DYTN: variants seen among roughly 807,000 people sequenced by gnomAD.
DYTN encodes dystrotelin.
In DYTN, 75 loss-of-function variants were observed where a neutral mutation model predicts 69.6. The observed-to-expected ratio is 1.08, with a 90% CI of 0.89 to 1.31. The LOEUF is 1.31. Among genes scored for constraint, DYTN ranks in the 50% most tolerant of loss-of-function variants. DYTN has a pLI of 0.00. For missense variants in DYTN, 726 were observed against 688.4 expected (o/e 1.05, Z -0.61); for synonymous variants, 252 against 249.1 (o/e 1.01, Z -0.11).
chr2:206,698,326 ACCGGATCT>A (rs1166958591), intron 7 of DYTN, among the ~76,000 whole-genome samples: 2 of 152,164 alleles, frequency 1.3e-5, no homozygotes, highest in Non-Finnish European at 2.9e-5. Context: ...CAAAATTAAA[ACCGGATCT>A]CCAGTTTTTC....
At position 206,716,788 on chromosome 2, in the gene DYTN, A is replaced by G. The variant is rs1700134450; in HGVS notation, c.19+1473T>C. Among the ~76,000 whole-genome samples the G allele has an allele frequency of 9.2e-5, 14 of 152,232 alleles. No homozygotes were observed. The South Asian group carries it at 2.9e-3, about 32-fold the overall frequency. On this transcript the variant is annotated intron_variant, in intron 1 of 11. Transcript: ENST00000452335. The stretch of plus-strand genomic sequence containing the variant: ...TCTCAGATGCACCAAGCAGATACAC[A>G]GAATCAGCAGACAAGGGGCTCTGCA...
intron 2 of DYTN, among the ~76,000 whole-genome samples, chr2:206,708,519 T>A (rs1261738634): frequency 1.3e-5 from 2 of 152,254 alleles, no homozygotes; most frequent in Non-Finnish European, 2.9e-5. Context: ...AGTTTCAGAA[T>A]GTGACTTAAA....
intron 9 of DYTN, among the ~76,000 whole-genome samples, chr2:206,685,679 C>T (rs531904262): frequency 1.3e-5 from 2 of 152,250 alleles, no homozygotes; most frequent in African/African-American, 4.8e-5. Flanking sequence ...ATTTTCCTGG[C>T]ACCACCCTGG....
chr2:206,667,904 G>A (rs1298307632), intron 9 of DYTN, among the ~76,000 whole-genome samples: 3 of 152,150 alleles, frequency 2.0e-5, no homozygotes, highest in South Asian at 2.1e-4. Context: ...TAGAACCTGC[G>A]AAATTCCTAA....
intron 9 of DYTN, among the ~76,000 whole-genome samples, chr2:206,681,405 A>C (rs1699748582): frequency 6.6e-6 from 1 of 152,094 alleles, no homozygotes; most frequent in South Asian, 2.1e-4. Flanking sequence ...AACTTCTAAT[A>C]CTATGTTGAA....
At chr2:206,681,451 C>T (rs1291485476) in intron 9 of DYTN, among the ~76,000 whole-genome samples, 1 of 152,072 alleles carries the variant, frequency 6.6e-6, no homozygotes, top group Non-Finnish European at 1.5e-5. Flanking sequence ...TGTCTTGTGC[C>T]AGTTTTCAAA....
At chr2:206,704,488 G>C (rs965432345) in intron 5 of DYTN, among the ~76,000 whole-genome samples, 2 of 152,220 alleles carry the variant, frequency 1.3e-5, no homozygotes, top group Admixed American at 6.5e-5. Flanking sequence ...TATGTTTTCA[G>C]TGGTGATTAT....
chr2:206,664,759 T>C (rs1158563096), intron 10 of DYTN, among the ~76,000 whole-genome samples: 2 of 152,230 alleles, frequency 1.3e-5, no homozygotes, highest in Admixed American at 6.5e-5. Flanking sequence ...AGCTTTCCAA[T>C]TCTTAGGCAA....
chr2:206,707,820 G>A (rs899258112), intron 2 of DYTN, among the ~76,000 whole-genome samples: 8 of 152,108 alleles, frequency 5.3e-5, no homozygotes, highest in Non-Finnish European at 8.8e-5. Flanking sequence ...CGAAAAATAC[G>A]CTTTCCAAGA....
Position 206,675,154 on chromosome 2 carries a change from T to A in DYTN, c.981-9125A>T, listed in dbSNP as rs1233928183. Among the ~76,000 whole-genome samples the A allele has an allele frequency of 2.7e-5, 4 of 147,034 alleles. No individual in the cohort carries two copies. In the East Asian group the frequency reaches 5.9e-4, roughly 22 times the overall value. ...GTGTGTGTGTGTGTGTGTATATATGTGTATATATATTTAAATATATATACA... is the reference window on the plus strand; with the variant it reads ...GTGTGTGTGTGTGTGTGTATATATGAGTATATATATTTAAATATATATACA... On this transcript the variant is annotated intron_variant, in intron 9 of 11. Coordinates refer to ENST00000452335, the MANE Select transcript of DYTN (RefSeq NM_001093730.1).
At chr2:206,718,049 C>G (rs1290553338) in intron 1 of DYTN, among the ~76,000 whole-genome samples, 1 of 152,084 alleles carries the variant, frequency 6.6e-6, no homozygotes, top group Non-Finnish European at 1.5e-5. Flanking sequence ...ATTTTTGGTG[C>G]TTTCGAGACA....
intron 1 of DYTN, 69 bp downstream of exon 1, chr2:206,718,192 A>C (rs1700146022): frequency 6.7e-7 from 1 of 1,502,284 alleles, no homozygotes; most frequent in Non-Finnish European, 9.0e-7. Context: ...CAGAGGTCTG[A>C]AAATATAACA....
chr2:206,704,877 C>G lies in DYTN; in HGVS notation c.449G>C (p.Arg150Thr). The change falls in exon 5 of 12, where the codon AGG (arginine) becomes ACG (threonine). Residue 150 changes from arginine (R) to threonine (T), a missense_variant. Physicochemically the swap from Arg to Thr is moderately conservative, Grantham distance 71. Transcript: ENST00000452335. The stretch of plus-strand genomic sequence containing the variant: ...ATCTGTTAGTAGTTTTCTCAAAACC[C>G]TTCGAGTCATGCGTGGCCCAGAATC... ...GYDSGPRMTR[R>T]VLRKLLTDLQ... The G allele has an allele frequency of 6.2e-7, 1 of 1,613,636 alleles. No homozygotes were observed. Among genetic ancestry groups the G allele is most frequent in the Non-Finnish European group, 8.5e-7 (1 of 1,179,806 alleles).
chr2:206,674,871 C>G lies in DYTN; in HGVS notation c.981-8842G>C, dbSNP rs542054104. 5.9e-5 allele frequency among the ~76,000 whole-genome samples: 9 copies of G among 151,970 alleles called. No homozygotes were observed. The South Asian group carries it at 1.9e-3, about 32-fold the overall frequency. ...ACCTCCCCCAAAAAAGTTTTAAAAA[C>G]AAGGACCAGAAAAACACTTCCTCTA... On this transcript the variant is annotated intron_variant, in intron 9 of 11. Coordinates refer to ENST00000452335, the MANE Select transcript of DYTN (RefSeq NM_001093730.1).
At chr2:206,658,805 C>A (rs1699475718) in intron 11 of DYTN, among the ~76,000 whole-genome samples, 1 of 152,142 alleles carries the variant, frequency 6.6e-6, no homozygotes, top group Admixed American at 6.6e-5. Context: ...AAACCATGCC[C>A]TCCTAATATC....
intron 5 of DYTN, chr2:206,701,096 A>C (rs1699971940): frequency 6.6e-6 from 1 of 152,254 alleles, no homozygotes; most frequent in Non-Finnish European, 1.5e-5. Flanking sequence ...AGTGAGAAGC[A>C]GGAAAGAGTA....
In DYTN at chr2:206,651,708, T is replaced by A; in HGVS notation, c.*110A>T. 1.0e-6 allele frequency: 1 copy of A among 983,312 alleles called. No homozygotes were observed. The allele number at this position is 983,312 out of a possible 1,614,324, so 60.9% of individuals were successfully genotyped here. A position where few individuals can be genotyped will look rare whatever the true frequency, so the allele number is the denominator to read the frequency against. On this transcript the variant is annotated 3_prime_UTR_variant, in exon 12 of 12. Transcript: ENST00000452335. ...CAAAAAACAAAACCTGTTTTCTTCATAGTTCACACTAAACTATTAAAAGAA... is the reference window on the plus strand; with the variant it reads ...CAAAAAACAAAACCTGTTTTCTTCAAAGTTCACACTAAACTATTAAAAGAA...
chr2:206,699,806 G>A lies in DYTN; in HGVS notation c.640C>T (p.His214Tyr). 6.2e-7 allele frequency: 1 copy of A among 1,613,836 alleles called. No individual in the cohort carries two copies. The highest frequency in any genetic ancestry group is 8.5e-7 in the Non-Finnish European group (1 of 1,179,826). The change falls in exon 7 of 12, where the codon CAC becomes TAC. Residue 214 changes from histidine (H) to tyrosine (Y), a missense_variant. Coordinates refer to ENST00000452335, the MANE Select transcript of DYTN (RefSeq NM_001093730.1). Reference protein sequence around the residue: ...PPILLWLPTCHRLSAAERVTH... With the variant: ...PPILLWLPTCYRLSAAERVTH... ...ACCCTTTCAGCAGCTGATAACCGGT[G>A]GCAGGTCGGGAGCCACAGGAGGATG...
chr2:206,656,271 T>G (rs1292088945), intron 11 of DYTN, among the ~76,000 whole-genome samples: 1 of 152,208 alleles, frequency 6.6e-6, no homozygotes, highest in Admixed American at 6.5e-5. Flanking sequence ...TGACTTAAAG[T>G]CTATTTTGTC....
Sources: gnomAD v4.1 joint callset for allele counts (sites outside exome capture counted in the v4.1 genomes callset) on GRCh38, gnomAD v4.1.1 for gene constraint, MANE v1.5 for transcripts, NCBI Gene and HGNC (gene_info 2026-07-23, HGNC 2026-07-21) for gene names.